CERS4: variants seen among roughly 807,000 people sequenced by gnomAD.
CERS4 encodes ceramide synthase 4.
Under a neutral mutation model 51.8 loss-of-function variants are expected in CERS4, and 65 were observed. The ratio of observed to expected loss-of-function variants is 1.26; its 90% CI spans 1.03 to 1.54. The LOEUF (loss-of-function observed/expected upper bound fraction) is 1.54. Among genes scored for constraint, CERS4 ranks in the 40% most tolerant of loss-of-function variants. The pLI, the probability that CERS4 is intolerant of heterozygous loss-of-function variation, is 0.00. For missense variants in CERS4, 563 were observed against 500.4 expected (o/e 1.13, Z -1.19); for synonymous variants, 228 against 208.4 (o/e 1.09, Z -0.81).
At chr19:8,244,774 G>A (rs541634343) in intron 2 of CERS4, among the ~76,000 whole-genome samples, 2 of 152,142 alleles carry the variant, frequency 1.3e-5, no homozygotes, top group East Asian at 3.9e-4. Context: ...AAAGCAGTTT[G>A]CCCACCTTGG....
chr19:8,251,099 G>A lies in CERS4; in HGVS notation c.23G>A (p.Trp8Ter), dbSNP rs1324668264. Residue 8 changes from tryptophan to a stop codon, truncating the protein, a stop_gained, in exon 3 of 12, where the codon TGG becomes TAG. Transcript: ENST00000251363. LOFTEE classifies it high-confidence loss of function. ...AGAATGCTGTCCAGTTTCAACGAGT[G>A]GTTTTGGCAGGACAGGTTCTGGTTA... The part of the protein sequence containing the change: MLSSFNE[W>*]FWQDRFWLPP... 5.0e-6 allele frequency: 8 copies of A among 1,606,080 alleles called. No individual in the cohort carries two copies. The highest frequency in any genetic ancestry group is 1.6e-4 in the Middle Eastern group (1 of 6,070).
intron 2 of CERS4, among the ~76,000 whole-genome samples, chr19:8,214,818 C>T (rs112244982): frequency 0.014 from 2,117 of 151,850 alleles, 32 homozygotes; most frequent in African/African-American, 0.047. Flanking sequence ...CAATGGGGCT[C>T]AGCTGAACTG....
At chr19:8,219,853 G>A (rs1967456349) in intron 2 of CERS4, among the ~76,000 whole-genome samples, 2 of 151,316 alleles carry the variant, frequency 1.3e-5, no homozygotes, top group South Asian at 4.2e-4. Context: ...TAGTGGCATG[G>A]GTGCCTGTAG....
intron 2 of CERS4, among the ~76,000 whole-genome samples, chr19:8,232,985 G>A (rs1433247939): frequency 4.3e-5 from 6 of 140,424 alleles, no homozygotes; most frequent in South Asian, 2.3e-4. Flanking sequence ...TGATCCTCCC[G>A]CCTTGACTTC....
In CERS4 at chr19:8,257,094, C is replaced by T. The variant is rs747052069; in HGVS notation, c.741+17C>T. The T allele has an allele frequency of 7.0e-6, 11 of 1,575,980 alleles. No individual in the cohort carries two copies. The highest frequency in any genetic ancestry group is 3.5e-5 in the Admixed American group (2 of 57,472). ...CTGCTGGAGGTGGGCCCGACCCCTG[C>T]CTGACCCTTCCCAGCTGCTGTACCC... On this transcript the variant is annotated intron_variant, in intron 9 of 11. Coordinates refer to ENST00000251363, the MANE Select transcript of CERS4 (RefSeq NM_024552.3).
chr19:8,212,120 G>C (rs1260976701), intron 2 of CERS4, among the ~76,000 whole-genome samples: 2 of 152,044 alleles, frequency 1.3e-5, no homozygotes, highest in African/African-American at 4.8e-5. Flanking sequence ...CAAAGCCAGG[G>C]TTGTAAGATC....
chr19:8,222,623 C>T (rs1328151413), intron 2 of CERS4, among the ~76,000 whole-genome samples: 5 of 151,686 alleles, frequency 3.3e-5, no homozygotes, highest in African/African-American at 7.3e-5. Context: ...TTCAGCCTCC[C>T]GAGTAGCTGG....
rs186744000 is a variant in CERS4, at chr19:8,239,811, C to T, written c.-1-11265C>T. On this transcript the variant is annotated intron_variant, in intron 2 of 11. Coordinates refer to ENST00000251363, the MANE Select transcript of CERS4 (RefSeq NM_024552.3). Reference sequence around the variant, plus strand: ...ACATCCTTGCACCCTCCCACCTGTCCATCTGTCTATTCTACTCATTCATCC... The same window carrying T: ...ACATCCTTGCACCCTCCCACCTGTCTATCTGTCTATTCTACTCATTCATCC... 6.0e-4 allele frequency among the ~76,000 whole-genome samples: 91 copies of T among 152,302 alleles called. 1 individual carries two copies. The highest frequency in any genetic ancestry group is 2.1e-3 in the African/African-American group (87 of 41,572).
chr19:8,232,539 A>T (rs1968058811), intron 2 of CERS4, among the ~76,000 whole-genome samples: 1 of 151,422 alleles, frequency 6.6e-6, no homozygotes, highest in African/African-American at 2.4e-5. Flanking sequence ...TGATCTGCCC[A>T]CCTCGGCCTC....
At chr19:8,259,944 C>CTG (rs1969592918) in intron 10 of CERS4, among the ~76,000 whole-genome samples, 1 of 152,092 alleles carries the variant, frequency 6.6e-6, no homozygotes, top group African/African-American at 2.4e-5. Flanking sequence ...CATCCCTCCT[C>CTG]TGGCTGCCAT....
At chr19:8,236,680 TAAAAAA>T (rs59164781) in intron 2 of CERS4, among the ~76,000 whole-genome samples, 6 of 122,362 alleles carry the variant, frequency 4.9e-5, no homozygotes, top group African/African-American at 1.0e-4. Flanking sequence ...CCCTGTCTTC[TAAAAAA>T]AAAAAAAAAA....
At chr19:8,212,606 C>T (rs1327795951) in intron 2 of CERS4, among the ~76,000 whole-genome samples, 3 of 151,926 alleles carry the variant, frequency 2.0e-5, no homozygotes, top group Admixed American at 2.0e-4. Flanking sequence ...TTTGATAATT[C>T]AGTAGCAGGC....
At chr19:8,219,125 T>G (rs1202159183) in intron 2 of CERS4, among the ~76,000 whole-genome samples, 1 of 152,144 alleles carries the variant, frequency 6.6e-6, no homozygotes, top group Admixed American at 6.5e-5. Context: ...GAGAATCACT[T>G]GAACCCAGGA....
intron 2 of CERS4, among the ~76,000 whole-genome samples, chr19:8,236,702 GAAA>G (rs1568514782): frequency 8.3e-5 from 2 of 24,130 alleles, no homozygotes; most frequent in Non-Finnish European, 2.7e-4. Context: ...AAAAAAAAAA[GAAA>G]GAAAGAAAAA....
chr19:8,251,199 A>C lies in CERS4; in HGVS notation c.123A>C (p.Ala41=). 6.2e-7 allele frequency: 1 copy of C among 1,613,072 alleles called. No homozygotes were observed. Among genetic ancestry groups the C allele is most frequent in the Non-Finnish European group, 8.5e-7 (1 of 1,179,612 alleles). The change falls in exon 3 of 12, where the codon GCA becomes GCC. Residue 41 remains alanine (A), a synonymous_variant. Transcript: ENST00000251363. ...ACCCCCACCCCCAGGACTTGTTGGCAGCCCTGCCCCTGGCGCTGGTCCTCC... is the reference window on the plus strand; with the variant it reads ...ACCCCCACCCCCAGGACTTGTTGGCCGCCCTGCCCCTGGCGCTGGTCCTCC... The part of the protein sequence containing the change: ...RVYPHPQDLL[A]ALPLALVLLA...
chr19:8,237,649 G>T (rs1968324235), intron 2 of CERS4, among the ~76,000 whole-genome samples: 1 of 152,112 alleles, frequency 6.6e-6, no homozygotes, highest in Non-Finnish European at 1.5e-5. Flanking sequence ...AGGAGATTGA[G>T]ACCATCCTGG....
intron 3 of CERS4, among the ~76,000 whole-genome samples, chr19:8,252,751 T>A (rs1969153514): frequency 6.6e-6 from 1 of 152,122 alleles, no homozygotes; most frequent in Non-Finnish European, 1.5e-5. Flanking sequence ...AATTTTGTAT[T>A]TTTAGTAGAG....
chr19:8,254,567 A>G lies in CERS4; in HGVS notation c.242A>G (p.Asn81Ser), dbSNP rs778297207. 6.8e-6 allele frequency: 11 copies of G among 1,613,280 alleles called. No homozygotes were observed. Among genetic ancestry groups the G allele is most frequent in the Non-Finnish European group, 9.3e-6 (11 of 1,179,844 alleles). Residue 81 changes from asparagine (N) to serine (S), a missense_variant, in exon 4 of 12, where the codon AAC becomes AGC. Physicochemically the swap from Asn to Ser is conservative, Grantham distance 46. Coordinates refer to ENST00000251363, the MANE Select transcript of CERS4 (RefSeq NM_024552.3). ...RDQTRRQVKPNATLEKHFLTE... is the reference protein window; with the variant it reads ...RDQTRRQVKPSATLEKHFLTE... The stretch of plus-strand genomic sequence containing the variant: ...CAGACCAGGAGGCAAGTGAAGCCCA[A>G]CGCCACGCTGGAGAAACACTTCCTC...
chr19:8,234,646 C>T (rs1306429588), intron 2 of CERS4, among the ~76,000 whole-genome samples: 8 of 148,172 alleles, frequency 5.4e-5, no homozygotes, highest in Non-Finnish European at 1.0e-4. Context: ...TTCTGCTTCC[C>T]GGGTTCAAGC....
Sources: gnomAD v4.1 joint callset for allele counts (sites outside exome capture counted in the v4.1 genomes callset) on GRCh38, gnomAD v4.1.1 for gene constraint, MANE v1.5 for transcripts, NCBI Gene and HGNC (gene_info 2026-07-23, HGNC 2026-07-21) for gene names.